The following ADAMTS3 variants were observed in gnomAD, a reference collection of about 807,000 sequenced individuals.
ADAMTS3 encodes ADAM metallopeptidase with thrombospondin type 1 motif 3.
Under a neutral mutation model 129.0 loss-of-function variants are expected in ADAMTS3, and 73 were observed. The ratio of observed to expected loss-of-function variants is 0.57; its 90% CI spans 0.47 to 0.69. The LOEUF is 0.69. ADAMTS3 is among the 30% of genes least tolerant of loss of function. The pLI, the probability that ADAMTS3 is intolerant of heterozygous loss-of-function variation, is 0.00. For missense variants in ADAMTS3, 1,457 were observed against 1,514.5 expected (o/e 0.96, Z 0.63); for synonymous variants, 477 against 510.8 (o/e 0.93, Z 0.89).
intron 3 of ADAMTS3, among the ~76,000 whole-genome samples, chr4:72,521,988 A>G (rs1720687454): frequency 6.6e-6 from 1 of 152,334 alleles, no homozygotes; most frequent in South Asian, 2.1e-4. Flanking sequence ...ACAGAGCCGT[A>G]TATGTCCCTT....
chr4:72,481,446 A>G (rs1333273519), intron 3 of ADAMTS3, among the ~76,000 whole-genome samples: 1 of 152,310 alleles, frequency 6.6e-6, no homozygotes, highest in Non-Finnish European at 1.5e-5. Flanking sequence ...ATTCAATAAA[A>G]GAAAGAGAGC....
At chr4:72,557,407 C>T (rs7689931) in intron 2 of ADAMTS3, among the ~76,000 whole-genome samples, 73,356 of 151,624 alleles carry the variant, frequency 0.48, 18,990 homozygotes, top group Admixed American at 0.61. Context: ...GTGACACATG[C>T]TGAAATTCTG....
At chr4:72,428,766 A>G (rs1158266884) in intron 3 of ADAMTS3, among the ~76,000 whole-genome samples, 1 of 152,040 alleles carries the variant, frequency 6.6e-6, no homozygotes, top group Non-Finnish European at 1.5e-5. Flanking sequence ...AAAGAGTTTT[A>G]CTAGATAATC....
chr4:72,429,702 C>T (rs1348044727), intron 3 of ADAMTS3, among the ~76,000 whole-genome samples: 1 of 151,940 alleles, frequency 6.6e-6, no homozygotes, highest in Non-Finnish European at 1.5e-5. Context: ...TTCTAATCAA[C>T]ATTAATAGGC....
chr4:72,289,372 A>G (rs900384231), intron 20 of ADAMTS3, among the ~76,000 whole-genome samples: 7 of 152,226 alleles, frequency 4.6e-5, no homozygotes, highest in African/African-American at 1.7e-4. Context: ...GAATTTACTG[A>G]TAAGTTGCCT....
At chr4:72,566,011 C>T (rs1204952965) in intron 2 of ADAMTS3, among the ~76,000 whole-genome samples, 9 of 152,060 alleles carry the variant, frequency 5.9e-5, no homozygotes, top group Admixed American at 5.9e-4. Context: ...CAACTTTCTT[C>T]TCCCTACTTA....
chr4:72,371,543 A>G lies in ADAMTS3; in HGVS notation c.662-31850T>C, dbSNP rs548827176. ...AAGTGAGAAGCATTACTAAAAACAA[A>G]AAATATATATATTTATAAGATTAAA... On this transcript the variant is annotated intron_variant, in intron 4 of 21. Coordinates refer to ENST00000286657, the MANE Select transcript of ADAMTS3 (RefSeq NM_014243.3). Among the ~76,000 whole-genome samples the G allele has an allele frequency of 1.1e-4, 16 of 151,794 alleles. 1 individual carries two copies. The South Asian group carries it at 3.3e-3, about 31-fold the overall frequency.
At chr4:72,395,326 A>G (rs1270401392) in intron 4 of ADAMTS3, among the ~76,000 whole-genome samples, 1 of 152,192 alleles carries the variant, frequency 6.6e-6, no homozygotes, top group Non-Finnish European at 1.5e-5. Context: ...CAACTCAAAT[A>G]TGGACATATT....
chr4:72,431,023 C>T (rs1164984142), intron 3 of ADAMTS3, among the ~76,000 whole-genome samples: 1 of 151,550 alleles, frequency 6.6e-6, no homozygotes, highest in Non-Finnish European at 1.5e-5. Flanking sequence ...TTTTTTTGTT[C>T]CATCAATGAT....
At chr4:72,530,651 AT>A (rs1721000841) in intron 3 of ADAMTS3, among the ~76,000 whole-genome samples, 2 of 72,540 alleles carry the variant, frequency 2.8e-5, no homozygotes, top group Non-Finnish European at 4.9e-5. Context: ...TATATATAAT[AT>A]TATATATATT....
chr4:72,358,287 C>T (rs1720632516), intron 4 of ADAMTS3, among the ~76,000 whole-genome samples: 1 of 151,848 alleles, frequency 6.6e-6, no homozygotes, highest in Admixed American at 6.6e-5. Context: ...GCTGTCATTC[C>T]AGCTATCCTT....
At chr4:72,303,656 G>A (rs1719009891) in intron 17 of ADAMTS3, among the ~76,000 whole-genome samples, 1 of 151,910 alleles carries the variant, frequency 6.6e-6, no homozygotes, top group African/African-American at 2.4e-5. Context: ...TCTACTTTTA[G>A]TGTTGTCTTT....
At position 72,552,455 on chromosome 4, in the gene ADAMTS3, G is replaced by A. The variant is rs1047367067; in HGVS notation, c.98-3571C>T. 2.0e-5 allele frequency among the ~76,000 whole-genome samples: 3 copies of A among 152,146 alleles called. No homozygotes were observed. In the East Asian group the frequency reaches 5.8e-4, roughly 29 times the overall value. On this transcript the variant is annotated intron_variant, in intron 2 of 21. Transcript: ENST00000286657. ...AAAACTGTTAGCTGAGGTGGCTGAG[G>A]GGCCACAGTAATAGGTATGTGAAGG...
At chr4:72,415,371 C>A (rs1251960853) in intron 3 of ADAMTS3, among the ~76,000 whole-genome samples, 1 of 151,868 alleles carries the variant, frequency 6.6e-6, no homozygotes, top group Admixed American at 6.6e-5. Flanking sequence ...CATTGTGGAG[C>A]AGTGGTCCAA....
chr4:72,359,690 C>G (rs1720671423), intron 4 of ADAMTS3, among the ~76,000 whole-genome samples: 1 of 151,862 alleles, frequency 6.6e-6, no homozygotes, highest in Non-Finnish European at 1.5e-5. Flanking sequence ...TACAGTAATG[C>G]TAAAGAAATG....
At chr4:72,414,116 T>C (rs1722247345) in intron 4 of ADAMTS3, among the ~76,000 whole-genome samples, 1 of 151,894 alleles carries the variant, frequency 6.6e-6, no homozygotes, top group Non-Finnish European at 1.5e-5. Flanking sequence ...TAAAGACTTC[T>C]TGAGATTTGG....
chr4:72,517,271 C>G lies in ADAMTS3; in HGVS notation c.504+31207G>C, dbSNP rs142601875. Among the ~76,000 whole-genome samples, 694 of 152,302 alleles carry G rather than the reference C, an allele frequency of 4.6e-3. 7 individuals are homozygous for G. The highest frequency in any genetic ancestry group is 0.016 in the African/African-American group (669 of 41,560). On this transcript the variant is annotated intron_variant, in intron 3 of 21. Coordinates refer to ENST00000286657, the MANE Select transcript of ADAMTS3 (RefSeq NM_014243.3). ...TATTGAGGAGATTTGCATCAATGTT[C>G]ATCAAGGATATTGGTCTAAAATTCT...
At chr4:72,432,695 A>C (rs1722727416) in intron 3 of ADAMTS3, among the ~76,000 whole-genome samples, 1 of 151,992 alleles carries the variant, frequency 6.6e-6, no homozygotes, top group Non-Finnish European at 1.5e-5. Flanking sequence ...GATCTTGGGA[A>C]TCACCTTGAG....
At chr4:72,505,167 C>T (rs1158820533) in intron 3 of ADAMTS3, among the ~76,000 whole-genome samples, 1 of 152,112 alleles carries the variant, frequency 6.6e-6, no homozygotes, top group Non-Finnish European at 1.5e-5. Flanking sequence ...GTGCTAGTTC[C>T]TTATCATTTG....
Sources: gnomAD v4.1 joint callset for allele counts (sites outside exome capture counted in the v4.1 genomes callset) on GRCh38, gnomAD v4.1.1 for gene constraint, MANE v1.5 for transcripts, NCBI Gene and HGNC (gene_info 2026-07-23, HGNC 2026-07-21) for gene names.